The following CPNE8 variants were observed in gnomAD, a reference collection of about 807,000 sequenced individuals.
CPNE8 encodes the protein copine 8, also known as copine-8.
CPNE8 carries 45 observed loss-of-function variants against 81.5 expected under a neutral mutation model. That is an observed-to-expected ratio of 0.55 (90% confidence interval 0.44 to 0.71). The LOEUF (loss-of-function observed/expected upper bound fraction) is 0.71, where lower values mean the gene tolerates loss of function less well. CPNE8 is among the 30% of genes least tolerant of loss of function. CPNE8 has a pLI of 0.00. For missense variants in CPNE8, 594 were observed against 672.1 expected (o/e 0.88, Z 1.28); for synonymous variants, 252 against 226.3 (o/e 1.11, Z -1.02).
chr12:38,846,006 T>C (rs1362265935), intron 4 of CPNE8, among the ~76,000 whole-genome samples: 1 of 152,218 alleles, frequency 6.6e-6, no homozygotes, highest in East Asian at 1.9e-4. Flanking sequence ...CGTTACACTG[T>C]TTCTGTAAAA....
At chr12:38,734,202 A>G (rs1394784716) in intron 10 of CPNE8, among the ~76,000 whole-genome samples, 3 of 151,910 alleles carry the variant, frequency 2.0e-5, no homozygotes, top group Admixed American at 6.6e-5. Flanking sequence ...CTGCTACACA[A>G]TGGGCACAGC....
chr12:38,774,623 A>T (rs1303585290), intron 7 of CPNE8, among the ~76,000 whole-genome samples: 3 of 137,916 alleles, frequency 2.2e-5, no homozygotes, highest in Non-Finnish European at 4.8e-5. Flanking sequence ...TTTTTTTTTT[A>T]AATAGTCTAG....
chr12:38,753,724 G>A (rs967577600), intron 10 of CPNE8, among the ~76,000 whole-genome samples: 1 of 152,120 alleles, frequency 6.6e-6, no homozygotes, highest in Non-Finnish European at 1.5e-5. Flanking sequence ...AGTTAGGTGA[G>A]TACAGTACAA....
chr12:38,782,902 A>G (rs1942086953), intron 6 of CPNE8, among the ~76,000 whole-genome samples: 2 of 152,014 alleles, frequency 1.3e-5, no homozygotes, highest in Non-Finnish European at 2.9e-5. Context: ...CTGTTCTCAA[A>G]CTACTGGGCT....
chr12:38,776,533 C>G (rs1304217245), intron 6 of CPNE8, among the ~76,000 whole-genome samples: 1 of 151,812 alleles, frequency 6.6e-6, no homozygotes, highest in African/African-American at 2.4e-5. Flanking sequence ...TGGTCTCAAA[C>G]TCCTGACCTC....
intron 1 of CPNE8, among the ~76,000 whole-genome samples, chr12:38,902,379 A>AG (rs1440471367): frequency 2.9e-5 from 3 of 102,048 alleles, no homozygotes; most frequent in African/African-American, 1.5e-4. Context: ...AAAGAAAGAA[A>AG]GAAAAGAAAG....
intron 6 of CPNE8, among the ~76,000 whole-genome samples, chr12:38,807,640 A>G (rs1012063217): frequency 1.3e-5 from 2 of 151,902 alleles, no homozygotes; most frequent in Non-Finnish European, 2.9e-5. Flanking sequence ...ACCTAAAACC[A>G]TAAGAAGCCT....
At chr12:38,713,805 C>A (rs1221047971) in intron 13 of CPNE8, among the ~76,000 whole-genome samples, 1 of 149,788 alleles carries the variant, frequency 6.7e-6, no homozygotes, top group South Asian at 2.1e-4. Context: ...CACCTGGACT[C>A]GCTGGATGAG....
chr12:38,759,935 C>T (rs1412867837), intron 10 of CPNE8, among the ~76,000 whole-genome samples: 1 of 152,128 alleles, frequency 6.6e-6, no homozygotes, highest in Non-Finnish European at 1.5e-5. Context: ...CCTGTATTCA[C>T]AGGAGTGTTC....
chr12:38,735,935 T>A (rs937961434), intron 10 of CPNE8, among the ~76,000 whole-genome samples: 1 of 151,864 alleles, frequency 6.6e-6, no homozygotes, highest in Non-Finnish European at 1.5e-5. Flanking sequence ...GTAGAAGTGA[T>A]CATTTATCTC....
At chr12:38,787,107 C>T (rs1565614926) in intron 6 of CPNE8, among the ~76,000 whole-genome samples, 1 of 152,034 alleles carries the variant, frequency 6.6e-6, no homozygotes, top group African/African-American at 2.4e-5. Flanking sequence ...CCAAATGAAC[C>T]TAATAGACAT....
At chr12:38,752,885 C>G (rs1941381565) in intron 10 of CPNE8, among the ~76,000 whole-genome samples, 1 of 152,042 alleles carries the variant, frequency 6.6e-6, no homozygotes, top group Admixed American at 6.6e-5. Context: ...TGATAATTCT[C>G]CTGTTGGTGA....
At chr12:38,730,456 G>T (rs1000317726) in intron 10 of CPNE8, 98 bp from the exon 11 acceptor site, 3 of 579,610 alleles carry the variant, frequency 5.2e-6, no homozygotes, top group African/African-American at 3.8e-5. Flanking sequence ...TCAAAAAAAT[G>T]CTTGATATTA....
chr12:38,699,176 T>A (rs1939870342), intron 14 of CPNE8, among the ~76,000 whole-genome samples: 1 of 152,236 alleles, frequency 6.6e-6, no homozygotes, highest in African/African-American at 2.4e-5. Flanking sequence ...TTATCTTGTT[T>A]CAGAGTTGTT....
Position 38,653,906 on chromosome 12 carries a change from T to C in CPNE8, c.1671A>G (p.Thr557=). The C allele has an allele frequency of 1.9e-6, 3 of 1,613,118 alleles. No homozygotes were observed. The highest frequency in any genetic ancestry group is 2.5e-6 in the Non-Finnish European group (3 of 1,179,794). The change falls in exon 20 of 20, where the codon ACA becomes ACG. Residue 557 remains threonine (T), a synonymous_variant. Transcript: ENST00000331366. Reference sequence around the variant, plus strand: ...GTCATATTTGAGTCTGTAACACATGTGTAGGTGGGGTGTATGGGGGAGGCG... The same window carrying C: ...GTCATATTTGAGTCTGTAACACATGCGTAGGTGGGGTGTATGGGGGAGGCG... The part of the protein sequence containing the change: ...SPAPPPYTPP[T]HVLQTQI
At chr12:38,758,394 T>C (rs1173841283) in intron 10 of CPNE8, among the ~76,000 whole-genome samples, 2 of 152,194 alleles carry the variant, frequency 1.3e-5, no homozygotes, top group African/African-American at 2.4e-5. Flanking sequence ...GATTGTTTCT[T>C]AAATTTTCCT....
intron 13 of CPNE8, among the ~76,000 whole-genome samples, chr12:38,722,494 C>T (rs1372529106): frequency 6.6e-6 from 1 of 152,124 alleles, no homozygotes; most frequent in Non-Finnish European, 1.5e-5. Flanking sequence ...CCCCCCACTC[C>T]CTCAACCCCT....
In CPNE8 at chr12:38,723,762, A is replaced by G; in HGVS notation, c.914+10T>C. 6.5e-7 allele frequency: 1 copy of G among 1,548,038 alleles called. No individual in the cohort carries two copies. The highest frequency in any genetic ancestry group is 8.9e-7 in the Non-Finnish European group (1 of 1,123,384). On this transcript the variant is annotated intron_variant, in intron 13 of 19. Transcript: ENST00000331366. ...CCTAAGCAACGAAACAATTTGAGAG[A>G]ATTACTTACCCTCCCTTAATGTAGT...
chr12:38,732,240 C>A (rs1213362930), intron 10 of CPNE8, among the ~76,000 whole-genome samples: 1 of 151,868 alleles, frequency 6.6e-6, no homozygotes, highest in Non-Finnish European at 1.5e-5. Context: ...TTCCGCCACA[C>A]AATGCTTATC....
Sources: allele counts gnomAD v4.1 joint callset (sites outside exome capture counted in the v4.1 genomes callset), GRCh38; gene constraint gnomAD v4.1.1; transcripts MANE v1.5; gene names NCBI Gene and HGNC (gene_info 2026-07-23, HGNC 2026-07-21).